Variants in POLN observed in about 807,000 individuals in gnomAD.
The protein encoded by POLN is DNA polymerase N.
In POLN, 108 loss-of-function variants were observed where a neutral mutation model predicts 113.5. That is an observed-to-expected ratio of 0.95 (90% CI 0.81 to 1.12). The LOEUF is 1.12. Ranked by LOEUF, POLN falls within the 50% of genes most tolerant of loss-of-function variation. The probability of loss-of-function intolerance (pLI) is 0.00; values close to 1 mark genes in which losing one functional copy is unlikely to be tolerated. For synonymous variants in POLN, 386 were observed against 391.5 expected (o/e 0.99, Z 0.17); for missense variants, 1,097 against 1,077.1 (o/e 1.02, Z -0.26).
intron 18 of POLN, among the ~76,000 whole-genome samples, chr4:2,128,788 C>T (rs1242474669): frequency 6.6e-6 from 1 of 152,194 alleles, no homozygotes; most frequent in Non-Finnish European, 1.5e-5. Context: ...GCCGCAGTGG[C>T]TTATGCCTGT....
chr4:2,174,824 CTTTT>C (rs35293526), intron 9 of POLN, 73 bp from the exon 10 acceptor site: 467 of 830,640 alleles, frequency 5.6e-4, no homozygotes, highest in Middle Eastern at 1.9e-3. Flanking sequence ...GAAAAGCCTA[CTTTT>C]TTTTTTTTTT....
At chr4:2,125,271 C>A (rs1483649551) in intron 19 of POLN, among the ~76,000 whole-genome samples, 1 of 152,182 alleles carries the variant, frequency 6.6e-6, no homozygotes, top group African/African-American at 2.4e-5. Context: ...ATCCTGGCAA[C>A]AGAGAAGCTC....
chr4:2,142,512 T>C (rs539286547), intron 16 of POLN, among the ~76,000 whole-genome samples: 8 of 152,248 alleles, frequency 5.3e-5, no homozygotes, highest in African/African-American at 1.7e-4. Context: ...CCTGGGCAAG[T>C]GTAAGAGACT....
At chr4:2,075,626 CGGGGGCTCAGGGGTGCATGCAGAGGT>C in intron 23 of POLN, 107 bp from the exon 24 acceptor site, 1 of 1,238,274 alleles carries the variant, frequency 8.1e-7, no homozygotes, top group Non-Finnish European at 1.2e-6. Flanking sequence ...GACTGTGAGG[CGGGGGCTCAGGGGTGCATGCAGAGGT>C]GGGGGCCCAT....
At chr4:2,177,368 C>G (rs1387227909) in intron 8 of POLN, 1 of 422,262 alleles carries the variant, frequency 2.4e-6, no homozygotes, top group Non-Finnish European at 4.7e-6. Flanking sequence ...ATCCCTGCTG[C>G]TCCCTCTACC....
intron 20 of POLN, among the ~76,000 whole-genome samples, chr4:2,086,610 G>C (rs1482236638): frequency 6.6e-6 from 1 of 152,158 alleles, no homozygotes; most frequent in Admixed American, 6.5e-5. Context: ...TTTTCCTCCA[G>C]AAGAGAATAA....
intron 2 of POLN, chr4:2,238,842 CTT>C (rs761946359): frequency 3.1e-6 from 5 of 1,613,216 alleles, no homozygotes; most frequent in East Asian, 2.2e-5. Flanking sequence ...AAAACTAACT[CTT>C]GTCTTGCTGT....
intron 5 of POLN, 150 bp from the exon 6 acceptor site, chr4:2,198,867 C>G: frequency 1.3e-6 from 1 of 758,606 alleles, no homozygotes; most frequent in Non-Finnish European, 2.0e-6. Context: ...GGGCCAAAAG[C>G]CAAACCCATG....
chr4:2,111,803 T>C (rs1731200681), intron 19 of POLN, among the ~76,000 whole-genome samples: 1 of 152,156 alleles, frequency 6.6e-6, no homozygotes, highest in Non-Finnish European at 1.5e-5. Context: ...ATCGTGAAAA[T>C]GGCCATACTG....
chr4:2,240,310 C>A (rs1229101243), intron 2 of POLN: 1 of 1,608,926 alleles, frequency 6.2e-7, no homozygotes, highest in Non-Finnish European at 8.5e-7. Context: ...AAAGTTAATG[C>A]TGCTGTGCTT....
intron 7 of POLN, among the ~76,000 whole-genome samples, chr4:2,191,256 T>A (rs1733431920): frequency 6.6e-6 from 1 of 152,176 alleles, no homozygotes. Flanking sequence ...GAAAGATAAA[T>A]ATCGCTCATA....
In POLN at chr4:2,217,252, C is replaced by T. The variant is rs1244435483; in HGVS notation, c.134-4126G>A. On this transcript the variant is annotated intron_variant, in intron 3 of 25. Coordinates refer to ENST00000511885, the MANE Select transcript of POLN (RefSeq NM_181808.4). Reference sequence around the variant, plus strand: ...TAGATAGTCAAGGGGCACCACCCAACGTTCTACCCATTGGGTTTCCCTTGA... The same window carrying T: ...TAGATAGTCAAGGGGCACCACCCAATGTTCTACCCATTGGGTTTCCCTTGA... Among the ~76,000 whole-genome samples the T allele has an allele frequency of 2.6e-5, 4 of 152,190 alleles. No individual in the cohort carries two copies. In the East Asian group the frequency reaches 7.7e-4, roughly 29 times the overall value.
intron 16 of POLN, among the ~76,000 whole-genome samples, chr4:2,152,012 TAATTTTC>T (rs1732308629): frequency 6.6e-6 from 1 of 151,756 alleles, no homozygotes; most frequent in Non-Finnish European, 1.5e-5. Flanking sequence ...AACCTAAACC[TAATTTTC>T]TTTTTTCTTT....
chr4:2,134,433 G>A (rs894378840), intron 16 of POLN, among the ~76,000 whole-genome samples: 3 of 152,172 alleles, frequency 2.0e-5, no homozygotes, highest in African/African-American at 4.8e-5. Flanking sequence ...TGCCAAACTC[G>A]AAAAGTGGCT....
chr4:2,230,441 T>C (rs1734539308), intron 2 of POLN: 1 of 152,088 alleles, frequency 6.6e-6, no homozygotes, highest in Non-Finnish European at 1.5e-5. Context: ...AAATTCTCTA[T>C]TCCGAAATAG....
intron 4 of POLN, among the ~76,000 whole-genome samples, chr4:2,209,238 T>C (rs1205183000): frequency 1.3e-5 from 2 of 152,040 alleles, no homozygotes; most frequent in Admixed American, 6.6e-5. Context: ...TCCCAATACT[T>C]TGGGAGGCTG....
chr4:2,171,214 CAT>C (rs1732852570), intron 11 of POLN, 33 bp from the exon 12 acceptor site: 4 of 1,554,738 alleles, frequency 2.6e-6, no homozygotes, highest in South Asian at 2.3e-5. Flanking sequence ...TAATTTCATT[CAT>C]AGTTTTCACA....
In POLN at chr4:2,228,990, G is replaced by A. The variant is rs553992396; in HGVS notation, c.133+109C>T. The A allele has an allele frequency of 7.2e-5, 79 of 1,090,140 alleles. No individual in the cohort carries two copies. The Middle Eastern group carries it at 2.3e-3, about 32-fold the overall frequency. 67.5% of individuals were successfully genotyped at this position (1,090,140 alleles called of 1,614,324 possible). On this transcript the variant is annotated intron_variant, in intron 3 of 25. Coordinates refer to ENST00000511885, the MANE Select transcript of POLN (RefSeq NM_181808.4). ...TGCACTGAATGAGTGTAAAAGGGGC[G>A]GGAGCTGGGCTTCATCTGTCTACAT... is the stretch of plus-strand genomic sequence containing the variant.
chr4:2,189,617 C>A (rs919840920), intron 7 of POLN, among the ~76,000 whole-genome samples: 2 of 143,732 alleles, frequency 1.4e-5, no homozygotes, highest in African/African-American at 5.5e-5. Flanking sequence ...CCAGCCTGGG[C>A]GACAGAGAGA....
Sources: allele counts gnomAD v4.1 joint callset (sites outside exome capture counted in the v4.1 genomes callset), GRCh38; gene constraint gnomAD v4.1.1; transcripts MANE v1.5; gene names NCBI Gene and HGNC (gene_info 2026-07-23, HGNC 2026-07-21).